The following ARHGAP21 variants were observed in gnomAD, a reference collection of about 807,000 sequenced individuals.
ARHGAP21 encodes the protein Rho GTPase activating protein 21, also known as rho GTPase-activating protein 21.
ARHGAP21 carries 38 observed loss-of-function variants against 164.6 expected under a neutral mutation model. That is an observed-to-expected ratio of 0.23 (90% CI 0.18 to 0.30). The LOEUF is 0.30. ARHGAP21 is among the 10% of genes least tolerant of loss of function. ARHGAP21 has a pLI of 1.00. For synonymous variants in ARHGAP21, 766 were observed against 857.9 expected, an observed-to-expected ratio of 0.89 and a Z score of 1.87; for missense variants, 1,822 against 2,370.7, an observed-to-expected ratio of 0.77 and a Z score of 4.81.
At chr10:24,633,883 C>CTTTTTTTTTTTTTTTTTT (rs3073324) in intron 5 of ARHGAP21, among the ~76,000 whole-genome samples, 2 of 75,496 alleles carry the variant, frequency 2.6e-5, no homozygotes, top group Non-Finnish European at 4.9e-5. Flanking sequence ...CTTTTTTTCT[C>CTTTTTTTTTTTTTTTTTT]TTTTTTTTTT....
At chr10:24,712,104 T>G (rs983379924) in intron 2 of ARHGAP21, among the ~76,000 whole-genome samples, 1 of 152,034 alleles carries the variant, frequency 6.6e-6, no homozygotes, top group Non-Finnish European at 1.5e-5. Context: ...TTAGCAGAGA[T>G]AGGGTTTTGC....
Position 24,607,865 on chromosome 10 carries a change from G to C in ARHGAP21, c.2461C>G (p.His821Asp). ...TSPSIDHDIA[H>D]IPASAVISAS... ...GATATAACAGCAGAGGCAGGGATAT[G>C]TGCAATATCATGATCAATGCTAGGG... The change falls in exon 10 of 26, where the codon CAT becomes GAT. Residue 821 changes from histidine (H) to aspartate (D), a missense_variant. By Grantham distance (81) the His-to-Asp change is moderately conservative (BLOSUM62 -1). This residue lies in a region of ARHGAP21 where 1,090 missense variants were observed against 1,378.9 expected (regional missense o/e 0.79). Coordinates refer to ENST00000396432, the MANE Select transcript of ARHGAP21 (RefSeq NM_020824.4). 1 of 1,613,910 alleles carries C rather than the reference G, an allele frequency of 6.2e-7. No individual in the cohort carries two copies. The highest frequency in any genetic ancestry group is 8.5e-7 in the Non-Finnish European group (1 of 1,179,916).
At chr10:24,613,987 CGTGT>C (rs1249765369) in intron 9 of ARHGAP21, among the ~76,000 whole-genome samples, 1 of 152,140 alleles carries the variant, frequency 6.6e-6, no homozygotes, top group African/African-American at 2.4e-5. Context: ...AGTGTACAAG[CGTGT>C]GTGTATGAAA....
At chr10:24,616,872 G>A (rs1833996562) in intron 9 of ARHGAP21, among the ~76,000 whole-genome samples, 1 of 152,126 alleles carries the variant, frequency 6.6e-6, no homozygotes, top group South Asian at 2.1e-4. Context: ...TTTATAAAGT[G>A]GGGGGTGGGA....
intron 9 of ARHGAP21, among the ~76,000 whole-genome samples, chr10:24,611,073 G>A (rs1329731192): frequency 2.0e-5 from 3 of 152,200 alleles, no homozygotes; most frequent in Non-Finnish European, 4.4e-5. Context: ...TAACTACAGA[G>A]AGTGTCTATG....
intron 2 of ARHGAP21, among the ~76,000 whole-genome samples, chr10:24,721,580 G>T (rs1417569578): frequency 1.3e-5 from 2 of 152,204 alleles, no homozygotes; most frequent in Non-Finnish European, 2.9e-5. Context: ...AGAATTCCTG[G>T]CTCTGAGAAG....
chr10:24,585,864 T>C lies in ARHGAP21; in HGVS notation c.4425A>G (p.Lys1475=), dbSNP rs1239496125. 1 of 1,613,908 alleles carries C rather than the reference T, an allele frequency of 6.2e-7. No individual in the cohort carries two copies. Among genetic ancestry groups the C allele is most frequent in the Non-Finnish European group, 8.5e-7 (1 of 1,179,904 alleles). The change falls in exon 26 of 26, where the codon AAA becomes AAG. Residue 1475 remains lysine, a synonymous_variant. Coordinates refer to ENST00000396432, the MANE Select transcript of ARHGAP21 (RefSeq NM_020824.4). The part of the protein sequence containing the change: ...LGRKQKIIIA[K]ENSTRKDPST... ...TGGGGTCTTTCCTAGTGCTGTTTTC[T>C]TTGGCAATGATGATCTTCTGTTTTC...
intron 9 of ARHGAP21, among the ~76,000 whole-genome samples, chr10:24,615,447 C>A (rs1035950801): frequency 1.3e-5 from 2 of 152,100 alleles, no homozygotes; most frequent in Admixed American, 1.3e-4. Context: ...GGAAGAGATG[C>A]CAATTCAAAC....
At position 24,651,517 on chromosome 10, in the gene ARHGAP21, T is replaced by C. The variant is rs902852238; in HGVS notation, c.268+15468A>G. ...TTGATGTCTGCTACTCAACACCAAT[T>C]ATCAGATCAAGGCCTGACTTTAGGT... On this transcript the variant is annotated intron_variant, in intron 4 of 25. Transcript: ENST00000396432. Among the ~76,000 whole-genome samples, 86 of 152,324 alleles carry C rather than the reference T, an allele frequency of 5.6e-4. 2 individuals carry two copies. The highest frequency in any genetic ancestry group is 2.1e-4 in the South Asian group (1 of 4,830).
At chr10:24,609,206 G>A (rs1036737627) in intron 9 of ARHGAP21, among the ~76,000 whole-genome samples, 1 of 152,146 alleles carries the variant, frequency 6.6e-6, no homozygotes, top group African/African-American at 2.4e-5. Context: ...ATGATTTTAT[G>A]CCTTGCAAAA....
At chr10:24,623,508 A>G (rs1165728215) in intron 7 of ARHGAP21, among the ~76,000 whole-genome samples, 1 of 152,240 alleles carries the variant, frequency 6.6e-6, no homozygotes, top group African/African-American at 2.4e-5. Flanking sequence ...GCATGAATAC[A>G]GTTAATCCCA....
In ARHGAP21 at chr10:24,586,098, C is replaced by T. The variant is rs1436129524; in HGVS notation, c.4191G>A (p.Trp1397Ter). Residue 1397 changes from tryptophan (W) to a stop codon, truncating the protein, a stop_gained, in exon 26 of 26, where the codon TGG (tryptophan) becomes TGA (stop). Transcript: ENST00000396432. LOFTEE classifies it low-confidence loss of function (END_TRUNC). ...TGCTATACTGATCCTTTCCAGATCC[C>T]CAAGAACCCTGGGAAGCAAGAGAGA... Reference protein sequence around the residue: ...TSDSTKSKGSWGSGKDQYSRE... With the variant: ...TSDSTKSKGS The T allele has an allele frequency of 6.3e-7, 1 of 1,580,282 alleles. No individual in the cohort carries two copies.
intron 21 of ARHGAP21, 48 bp downstream of exon 21, chr10:24,594,902 A>C: frequency 6.8e-7 from 1 of 1,463,736 alleles, no homozygotes; most frequent in Non-Finnish European, 9.5e-7. Context: ...CATATCTTTT[A>C]AACTAAAGCC....
chr10:24,635,794 C>T (rs933835252), intron 4 of ARHGAP21, among the ~76,000 whole-genome samples: 2 of 152,208 alleles, frequency 1.3e-5, no homozygotes, highest in Admixed American at 6.5e-5. Flanking sequence ...ATTCACCCGC[C>T]CTGGCCTCCC....
chr10:24,695,154 C>T (rs1274750018), intron 2 of ARHGAP21, among the ~76,000 whole-genome samples: 1 of 146,760 alleles, frequency 6.8e-6, no homozygotes, highest in Non-Finnish European at 1.5e-5. Flanking sequence ...AATGGATTAT[C>T]ATCAATCACA....
chr10:24,654,531 A>G (rs1321531511), intron 4 of ARHGAP21, among the ~76,000 whole-genome samples: 1 of 152,208 alleles, frequency 6.6e-6, no homozygotes, highest in Non-Finnish European at 1.5e-5. Flanking sequence ...TGTTTCAAAG[A>G]GAATAAAATA....
chr10:24,679,221 T>C (rs1841545705), intron 2 of ARHGAP21, among the ~76,000 whole-genome samples: 1 of 152,202 alleles, frequency 6.6e-6, no homozygotes, highest in Admixed American at 6.6e-5. Flanking sequence ...AACTGAAATT[T>C]ATTTCTCATG....
chr10:24,704,436 G>GCA (rs1844020935), intron 2 of ARHGAP21, among the ~76,000 whole-genome samples: 1 of 148,428 alleles, frequency 6.7e-6, no homozygotes, highest in Non-Finnish European at 1.5e-5. Flanking sequence ...GACTATAGGT[G>GCA]CACACCACCA....
intron 2 of ARHGAP21, among the ~76,000 whole-genome samples, chr10:24,678,020 G>C (rs922793446): frequency 3.9e-5 from 6 of 152,038 alleles, no homozygotes; most frequent in East Asian, 1.9e-4. Flanking sequence ...CCAGCACTTA[G>C]GGAGGCAGAG....
Sources: gnomAD v4.1 joint callset for allele counts (sites outside exome capture counted in the v4.1 genomes callset) on GRCh38, gnomAD v4.1.1 for gene constraint, gnomAD v4.1.1 regional missense constraint, MANE v1.5 for transcripts, NCBI Gene and HGNC (gene_info 2026-07-23, HGNC 2026-07-21) for gene names.